The following DNAH11 variants were observed in gnomAD, a reference collection of about 807,000 sequenced individuals.
DNAH11 encodes the protein dynein axonemal heavy chain 11.
DNAH11 carries 442 observed loss-of-function variants against 526.0 expected under a neutral mutation model. The ratio of observed to expected loss-of-function variants is 0.84; its 90% CI spans 0.78 to 0.91. DNAH11 has a LOEUF of 0.91. Among genes scored for constraint, DNAH11 ranks in the 40% least tolerant of loss-of-function variants. The probability of loss-of-function intolerance (pLI) is 0.00; values close to 1 mark genes in which losing one functional copy is unlikely to be tolerated. For synonymous variants in DNAH11, 2,461 were observed against 1,935.9 expected, an observed-to-expected ratio of 1.27 and a Z score of -7.12; for missense variants, 6,989 against 5,448.7, an observed-to-expected ratio of 1.28 and a Z score of -8.90.
intron 65 of DNAH11, among the ~76,000 whole-genome samples, chr7:21,822,913 A>G (rs952040324): frequency 6.8e-6 from 1 of 146,174 alleles, no homozygotes; most frequent in Non-Finnish European, 1.5e-5. Context: ...CTTTTGAGAA[A>G]GATCTACTCA....
chr7:21,864,789 A>G (rs991321530), intron 70 of DNAH11, 132 bp downstream of exon 70: 5 of 830,278 alleles, frequency 6.0e-6, no homozygotes, highest in South Asian at 3.8e-5. Context: ...AATGCACTGT[A>G]TAATGTGATG....
At chr7:21,766,368 C>T (rs1460301958) in intron 55 of DNAH11, among the ~76,000 whole-genome samples, 1 of 152,082 alleles carries the variant, frequency 6.6e-6, no homozygotes, top group African/African-American at 2.4e-5. Context: ...TGGACATTTC[C>T]CAGGGAGCTT....
intron 4 of DNAH11, 92 bp from the exon 5 acceptor site, chr7:21,560,979 G>A: frequency 1.1e-6 from 1 of 889,268 alleles, no homozygotes; most frequent in Non-Finnish European, 1.8e-6. Context: ...ACTTGTGAGT[G>A]AAATGGAATT....
intron 65 of DNAH11, among the ~76,000 whole-genome samples, chr7:21,832,089 C>CA (rs11431158): frequency 0.1 from 13,954 of 138,782 alleles, 1,980 homozygotes; most frequent in African/African-American, 0.33. Context: ...GACTCCATCT[C>CA]AAAAAAAAAA....
Position 21,704,453 on chromosome 7 carries a change from G to A in DNAH11, c.6293G>A (p.Arg2098Lys). ...PEDQVLMRALRDFNMPKIVTD... is the reference protein window; with the variant it reads ...PEDQVLMRALKDFNMPKIVTD... Reference sequence around the variant, plus strand: ...TTCTAGGTACTCATGAGAGCATTAAGGGATTTCAATATGCCCAAAATAGTG... The same window carrying A: ...TTCTAGGTACTCATGAGAGCATTAAAGGATTTCAATATGCCCAAAATAGTG... The change falls in exon 38 of 82, where the codon AGG (arginine) becomes AAG (lysine). Residue 2098 changes from arginine to lysine, a missense_variant. By Grantham distance (26) the Arg-to-Lys change is conservative (BLOSUM62 2). Transcript: ENST00000409508. 6.2e-7 allele frequency: 1 copy of A among 1,613,280 alleles called. No homozygotes were observed. Among genetic ancestry groups the A allele is most frequent in the South Asian group, 1.1e-5 (1 of 90,970 alleles).
rs1239409079 is a variant in DNAH11, at chr7:21,738,863, A to G, written c.7808A>G (p.His2603Arg). The G allele has an allele frequency of 2.5e-6, 4 of 1,591,184 alleles. No homozygotes were observed. The highest frequency in any genetic ancestry group is 3.4e-6 in the Non-Finnish European group (4 of 1,170,740). Reference protein sequence around the residue: ...TLIRQHIDYGHWYDRQKVMLK... With the variant: ...TLIRQHIDYGRWYDRQKVMLK... The stretch of plus-strand genomic sequence containing the variant: ...ATCCGGCAGCATATTGATTATGGAC[A>G]TTGGTAAGCAAGTCTCTGTAGTTTA... Residue 2603 changes from histidine (H) to arginine (R), a missense_variant, in exon 47 of 82, where the codon CAT becomes CGT. Transcript: ENST00000409508.
chr7:21,899,955 T>C lies in DNAH11; in HGVS notation c.13163-25T>C, dbSNP rs778290939. ...CCTTACATGCAACACTTTTATCCTATTCAATTTTTGTTATATTTCCAAAGC... is the reference window on the plus strand; with the variant it reads ...CCTTACATGCAACACTTTTATCCTACTCAATTTTTGTTATATTTCCAAAGC... On this transcript the variant is annotated intron_variant, in intron 80 of 81. Coordinates refer to ENST00000409508, the MANE Select transcript of DNAH11 (RefSeq NM_001277115.2). The C allele has an allele frequency of 2.5e-6, 4 of 1,612,542 alleles. No individual in the cohort carries two copies. The African/African-American group carries it at 4.0e-5, about 16-fold the overall frequency.
intron 30 of DNAH11, among the ~76,000 whole-genome samples, chr7:21,678,037 G>A (rs1169221540): frequency 1.3e-5 from 2 of 151,694 alleles, no homozygotes; most frequent in Non-Finnish European, 2.9e-5. Flanking sequence ...TTATTTTGTT[G>A]ATTTTTTTCT....
At chr7:21,549,319 C>T (rs1277121933) in intron 2 of DNAH11, among the ~76,000 whole-genome samples, 3 of 152,188 alleles carry the variant, frequency 2.0e-5, no homozygotes, top group Non-Finnish European at 4.4e-5. Flanking sequence ...ACAGCACATG[C>T]ATAACACTTA....
In DNAH11 at chr7:21,866,460, C is replaced by A. The variant is rs370658758; in HGVS notation, c.11497-10C>A. 1.2e-6 allele frequency: 2 copies of A among 1,604,084 alleles called. No homozygotes were observed. Among genetic ancestry groups the A allele is most frequent in the African/African-American group, 2.7e-5 (2 of 74,216 alleles). ...ACACCATTCCTACTTGTTTCCCTAT[C>A]ATATTACAGGCAATTGCCGTCATGG... On this transcript the variant is annotated splice_polypyrimidine_tract_variant and intron_variant, in intron 70 of 81. Transcript: ENST00000409508.
At chr7:21,731,781 A>AC (rs937509528) in intron 45 of DNAH11, among the ~76,000 whole-genome samples, 1 of 152,036 alleles carries the variant, frequency 6.6e-6, no homozygotes, top group African/African-American at 2.4e-5. Flanking sequence ...ACTTTATCCC[A>AC]CCGAGGATGG....
At chr7:21,747,413 A>C (rs1251206425) in intron 51 of DNAH11, among the ~76,000 whole-genome samples, 1 of 152,194 alleles carries the variant, frequency 6.6e-6, no homozygotes, top group Non-Finnish European at 1.5e-5. Context: ...TCTGAAGTTT[A>C]AGTTCATTTC....
At chr7:21,742,199 G>T in intron 49 of DNAH11, 33 bp downstream of exon 49, 2 of 1,605,550 alleles carry the variant, frequency 1.2e-6, no homozygotes, top group African/African-American at 1.3e-5. Context: ...TGCCTCTTGA[G>T]TAGAGAAATA....
At chr7:21,660,094 G>A (rs892649568) in intron 30 of DNAH11, among the ~76,000 whole-genome samples, 2 of 151,932 alleles carry the variant, frequency 1.3e-5, no homozygotes, top group Admixed American at 1.3e-4. Flanking sequence ...TTCTTCCTAC[G>A]GTGCCATCTT....
chr7:21,621,482 A>G (rs1203373663), intron 25 of DNAH11, among the ~76,000 whole-genome samples: 2 of 152,190 alleles, frequency 1.3e-5, no homozygotes, highest in Non-Finnish European at 2.9e-5. Flanking sequence ...TGAGGCCAGC[A>G]TCATCCTGAT....
intron 61 of DNAH11, among the ~76,000 whole-genome samples, chr7:21,795,787 G>A (rs954698963): frequency 1.3e-5 from 2 of 152,130 alleles, no homozygotes; most frequent in Non-Finnish European, 2.9e-5. Context: ...GCCAAGGGAG[G>A]TTGCATTGGC....
At chr7:21,602,302 G>A (rs990067177) in intron 18 of DNAH11, among the ~76,000 whole-genome samples, 3 of 152,086 alleles carry the variant, frequency 2.0e-5, no homozygotes, top group African/African-American at 7.2e-5. Context: ...TCACACCACT[G>A]CACTCTAGCA....
At chr7:21,683,644 A>G in intron 31 of DNAH11, 140 bp from the exon 32 acceptor site, 1 of 832,988 alleles carries the variant, frequency 1.2e-6, no homozygotes, top group South Asian at 3.0e-5. Flanking sequence ...TGTATATGCT[A>G]TTATAATTTG....
intron 60 of DNAH11, among the ~76,000 whole-genome samples, chr7:21,788,394 A>G (rs1788285408): frequency 1.3e-5 from 2 of 152,100 alleles, no homozygotes; most frequent in Non-Finnish European, 2.9e-5. Context: ...GGCAATCTTC[A>G]TAAGGCAAGA....
Sources: gnomAD v4.1 joint callset for allele counts (sites outside exome capture counted in the v4.1 genomes callset) on GRCh38, gnomAD v4.1.1 for gene constraint, MANE v1.5 for transcripts, NCBI Gene and HGNC (gene_info 2026-07-23, HGNC 2026-07-21) for gene names.